The following ZNF461 variants were observed in gnomAD, a reference collection of about 807,000 sequenced individuals.
The protein encoded by ZNF461 is zinc finger protein 461.
Under a neutral mutation model 18.3 loss-of-function variants are expected in ZNF461, and 16 were observed. The ratio of observed to expected loss-of-function variants is 0.88; its 90% CI spans 0.59 to 1.33. The LOEUF is 1.33. Ranked by LOEUF, ZNF461 falls within the 40% of genes most tolerant of loss-of-function variation. ZNF461 has a pLI of 0.00. For missense variants in ZNF461, 595 were observed against 669.9 expected, an observed-to-expected ratio of 0.89 and a Z score of 1.23; for synonymous variants, 179 against 216.9, an observed-to-expected ratio of 0.83 and a Z score of 1.54.
In ZNF461 at chr19:36,636,803, C is replaced by T. The variant is rs1463132063; in HGVS notation, c.*1850G>A. Among the ~76,000 whole-genome samples, 1 of 152,204 alleles carries T rather than the reference C, an allele frequency of 6.6e-6. No individual in the cohort carries two copies. Among genetic ancestry groups the T allele is most frequent in the Non-Finnish European group, 1.5e-5 (1 of 68,046 alleles). On this transcript the variant is annotated 3_prime_UTR_variant, in exon 6 of 6. Transcript: ENST00000588268. ...GTACATTTTCTTTGTGCTGAAGCAG[C>T]ATAAACTTAACTACTGATTTATTCT...
At position 36,642,025 on chromosome 19, in the gene ZNF461, G is replaced by A. The variant is rs184360462; in HGVS notation, c.301+1769C>T. Among the ~76,000 whole-genome samples, 5 of 152,240 alleles carry A rather than the reference G, an allele frequency of 3.3e-5. No individual in the cohort carries two copies. In the East Asian group the frequency reaches 9.7e-4, roughly 29 times the overall value. Reference sequence around the variant, plus strand: ...TGCAGGCCCGACCTCCTGAGCTCAAGAAATCCTCCTACCTCACTCAGCTTT... The same window carrying A: ...TGCAGGCCCGACCTCCTGAGCTCAAAAAATCCTCCTACCTCACTCAGCTTT... On this transcript the variant is annotated intron_variant, in intron 5 of 5. Transcript: ENST00000588268.
intron 5 of ZNF461, among the ~76,000 whole-genome samples, chr19:36,642,495 C>G (rs537526961): frequency 6.6e-6 from 1 of 152,192 alleles, no homozygotes; most frequent in East Asian, 1.9e-4. Flanking sequence ...GAGATGCCCT[C>G]TTACCTGGCA....
chr19:36,662,562 T>G (rs2037837259), intron 2 of ZNF461, among the ~76,000 whole-genome samples: 1 of 152,204 alleles, frequency 6.6e-6, no homozygotes, highest in Non-Finnish European at 1.5e-5. Context: ...GCCAGGGTCC[T>G]GCTTTAACTA....
In ZNF461 at chr19:36,664,634, AAAACAAAAACAAAC is replaced by A; in HGVS notation, c.9+50_9+63del. On this transcript the variant is annotated intron_variant, in intron 2 of 5. Transcript: ENST00000588268. ...AAATAGTCACATGCCCTATACAAAA[AAAACAAAAACAAAC>A]AAACAAAAAATCAAGTATTGTAATT... 3 of 1,418,806 alleles carry A rather than the reference AAAACAAAAACAAAC, an allele frequency of 2.1e-6. No homozygotes were observed. The South Asian group carries it at 4.4e-5, about 21-fold the overall frequency. The allele number at this position is 1,418,806 out of a possible 1,614,324, so 87.9% of individuals were successfully genotyped here.
chr19:36,665,469 G>A (rs1163301084), intron 1 of ZNF461, among the ~76,000 whole-genome samples: 1 of 152,204 alleles, frequency 6.6e-6, no homozygotes, highest in Non-Finnish European at 1.5e-5. Context: ...CCAACACTTT[G>A]GGAGGCAGAT....
Position 36,639,122 on chromosome 19 carries a change from G to A in ZNF461, c.1223C>T (p.Ser408Phe). The A allele has an allele frequency of 1.2e-6, 2 of 1,613,308 alleles. No individual in the cohort carries two copies. The highest frequency in any genetic ancestry group is 1.1e-5 in the South Asian group (1 of 91,032). ...SSFSHHQKIHSGKKPYECHEC... is the reference protein window; with the variant it reads ...SSFSHHQKIHFGKKPYECHEC... ...ATGACATTCATAAGGTTTCTTGCCAGAATGAATTTTCTGATGGTGTGAGAA... is the reference window on the plus strand; with the variant it reads ...ATGACATTCATAAGGTTTCTTGCCAAAATGAATTTTCTGATGGTGTGAGAA... Residue 408 changes from serine to phenylalanine, a missense_variant, in exon 6 of 6, where the codon TCT becomes TTT. Ser to Phe is a radical substitution (Grantham distance 155). Coordinates refer to ENST00000588268, the MANE Select transcript of ZNF461 (RefSeq NM_153257.5).
At chr19:36,643,898 GAAT>G in intron 4 of ZNF461, 36 bp from the exon 5 acceptor site, 1 of 1,380,986 alleles carries the variant, frequency 7.2e-7, no homozygotes, top group Non-Finnish European at 9.7e-7. Context: ...CTTCATTTTA[GAAT>G]AATATTTTAT....
Position 36,638,917 on chromosome 19 carries a change from C to T in ZNF461, c.1428G>A (p.Lys476=), listed in dbSNP as rs55837819. ...EKPHECMICG[K]AFRLHSHLIQ... The stretch of plus-strand genomic sequence containing the variant: ...TAAGGTGTGAATGAAGTCTAAAGGC[C>T]TTACCACATATCATGCATTCATGAG... Residue 476 remains lysine, a synonymous_variant, in exon 6 of 6, where the codon AAG becomes AAA. Coordinates refer to ENST00000588268, the MANE Select transcript of ZNF461 (RefSeq NM_153257.5). 1.9e-3 allele frequency: 3,106 copies of T among 1,606,860 alleles called. 53 individuals are homozygous for T. In the African/African-American group the frequency reaches 0.035, roughly 18 times the overall value.
chr19:36,638,468 TAATAC>T lies in ZNF461; in HGVS notation c.*180_*184del, dbSNP rs2037339206. The T allele has an allele frequency of 2.1e-6, 1 of 479,292 alleles. No individual in the cohort carries two copies. The highest frequency in any genetic ancestry group is 3.6e-6 in the Non-Finnish European group (1 of 276,636). The allele number at this position is 479,292 out of a possible 1,614,324, so 29.7% of individuals were successfully genotyped here. On this transcript the variant is annotated 3_prime_UTR_variant, in exon 6 of 6. Transcript: ENST00000588268. ...AAAAAAATTTATTCTCAATAATGGT[TAATAC>T]AATAACTCAGAAACAGCATTAAAAT...
rs118109950 is a variant in ZNF461, at chr19:36,665,225, G to C, written c.-80-439C>G. On this transcript the variant is annotated intron_variant, in intron 1 of 5. Transcript: ENST00000588268. The stretch of plus-strand genomic sequence containing the variant: ...GTGTAACAGAAATTTCAAAAATAGA[G>C]GCTGAAACAACACAGATGGAAGAGA... 9.2e-3 allele frequency among the ~76,000 whole-genome samples: 1,404 copies of C among 152,132 alleles called. 137 individuals carry two copies. In the South Asian group the frequency reaches 0.2, roughly 22 times the overall value.
intron 4 of ZNF461, among the ~76,000 whole-genome samples, chr19:36,648,269 T>C (rs754560931): frequency 6.6e-6 from 1 of 152,074 alleles, no homozygotes; most frequent in African/African-American, 2.4e-5. Flanking sequence ...CTGCTCCTGC[T>C]TTGCCTTCCA....
rs2037723068 is a variant in ZNF461 at position 36,656,514 on chromosome 19, A to T, written c.166T>A (p.Ser56Thr). Residue 56 changes from serine to threonine, a missense_variant, in exon 4 of 6, where the codon TCC (serine) becomes ACC (threonine). By Grantham distance (58) the Ser-to-Thr change is moderately conservative (BLOSUM62 1). Coordinates refer to ENST00000588268, the MANE Select transcript of ZNF461 (RefSeq NM_153257.5). ...GGCTCCTTCCCTTGCTCCAATGAGG[A>T]GATTACGGCTGGCTTAGAAACAGAA... is the stretch of plus-strand genomic sequence containing the variant. The part of the protein sequence containing the change: ...GLSVSKPAVI[S>T]SLEQGKEPWM... 1 of 1,614,040 alleles carries T rather than the reference A, an allele frequency of 6.2e-7. No individual in the cohort carries two copies. Among genetic ancestry groups the T allele is most frequent in the Admixed American group, 1.7e-5 (1 of 60,006 alleles).
rs558656196 is a variant in ZNF461, at chr19:36,651,270, A to T, written c.232+5178T>A. 1.1e-4 allele frequency among the ~76,000 whole-genome samples: 17 copies of T among 151,656 alleles called. No individual in the cohort carries two copies. In the South Asian group the frequency reaches 3.5e-3, roughly 32 times the overall value. On this transcript the variant is annotated intron_variant, in intron 4 of 5. Coordinates refer to ENST00000588268, the MANE Select transcript of ZNF461 (RefSeq NM_153257.5). ...AAAAAAAAAAAAATTCCTAGAGCTA[A>T]CATCATACATAATGTTAAAAGACTG...
chr19:36,666,090 TTTTTG>T, intron 1 of ZNF461, among the ~76,000 whole-genome samples: 1 of 142,092 alleles, frequency 7.0e-6, no homozygotes, highest in African/African-American at 2.6e-5. Context: ...CGTGAATGTT[TTTTTG>T]TTTTTTTTTT....
intron 5 of ZNF461, among the ~76,000 whole-genome samples, chr19:36,642,828 C>A (rs2037451662): frequency 6.6e-6 from 1 of 151,796 alleles, no homozygotes; most frequent in East Asian, 1.9e-4. Flanking sequence ...GATCTCGGCT[C>A]ACTGCAACCT....
At position 36,644,172 on chromosome 19, in the gene ZNF461, A is replaced by T. The variant is rs557640537; in HGVS notation, c.233-310T>A. Among the ~76,000 whole-genome samples, 9 of 152,198 alleles carry T rather than the reference A, an allele frequency of 5.9e-5. No homozygotes were observed. In the South Asian group the frequency reaches 1.9e-3, roughly 32 times the overall value. On this transcript the variant is annotated intron_variant, in intron 4 of 5. Transcript: ENST00000588268. ...GGTCTTGAACTCCTGACCTCAGGTGATCCGCCCACCTCGGCCTCCCAAAGT... is the reference window on the plus strand; with the variant it reads ...GGTCTTGAACTCCTGACCTCAGGTGTTCCGCCCACCTCGGCCTCCCAAAGT...
intron 4 of ZNF461, among the ~76,000 whole-genome samples, chr19:36,647,894 T>C (rs764697548): frequency 1.3e-5 from 2 of 151,526 alleles, no homozygotes; most frequent in Non-Finnish European, 1.5e-5. Flanking sequence ...TCCTTGAAAG[T>C]GTGTGGGCTG....
Position 36,664,738 on chromosome 19 carries a change from T to C in ZNF461, c.-32A>G. On this transcript the variant is annotated 5_prime_UTR_variant, in exon 2 of 6. Coordinates refer to ENST00000588268, the MANE Select transcript of ZNF461 (RefSeq NM_153257.5). Reference sequence around the variant, plus strand: ...TTTTAGAATTGAATGTATTATTTAATCCTCTTCTTCGTTCCCTCTGGAAGA... The same window carrying C: ...TTTTAGAATTGAATGTATTATTTAACCCTCTTCTTCGTTCCCTCTGGAAGA... 6.9e-7 allele frequency: 1 copy of C among 1,457,466 alleles called. No individual in the cohort carries two copies. The highest frequency in any genetic ancestry group is 1.6e-5 in the South Asian group (1 of 64,420). The allele number at this position is 1,457,466 out of a possible 1,614,324, so 90.3% of individuals were successfully genotyped here. A position where few individuals can be genotyped will look rare whatever the true frequency, so the allele number is the denominator to read the frequency against.
intron 1 of ZNF461, among the ~76,000 whole-genome samples, chr19:36,665,045 T>C (rs925464516): frequency 6.6e-6 from 1 of 152,170 alleles, no homozygotes; most frequent in African/African-American, 2.4e-5. Flanking sequence ...GGCCAGCCCA[T>C]TGTCCCAATA....
Sources: gnomAD v4.1 joint callset for allele counts (sites outside exome capture counted in the v4.1 genomes callset) on GRCh38, gnomAD v4.1.1 for gene constraint, MANE v1.5 for transcripts, NCBI Gene and HGNC (gene_info 2026-07-23, HGNC 2026-07-21) for gene names.